Variants in DNAH17 observed in about 807,000 individuals in gnomAD.
DNAH17 encodes the protein axonemal beta dynein heavy chain 17.
In DNAH17, 376 loss-of-function variants were observed where a neutral mutation model predicts 485.6. The observed-to-expected ratio is 0.77, with a 90% CI of 0.71 to 0.84. The LOEUF (loss-of-function observed/expected upper bound fraction) is 0.84, where lower values mean the gene tolerates loss of function less well. DNAH17 is among the 40% of genes least tolerant of loss of function. The pLI, the probability that DNAH17 is intolerant of heterozygous loss-of-function variation, is 0.00. For missense variants in DNAH17, 6,370 were observed against 5,839.3 expected (o/e 1.09, Z -2.96); for synonymous variants, 3,031 against 2,405.9 (o/e 1.26, Z -7.60).
At chr17:78,425,224 T>C in intron 80 of DNAH17, 122 bp downstream of exon 80, 1 of 973,466 alleles carries the variant, frequency 1.0e-6, no homozygotes, top group South Asian at 1.6e-5. Flanking sequence ...TGAGAGCACC[T>C]CTCTCCTGCC....
At chr17:78,488,256 G>C (rs953941081) in intron 44 of DNAH17, among the ~76,000 whole-genome samples, 1 of 152,184 alleles carries the variant, frequency 6.6e-6, no homozygotes, top group Non-Finnish European at 1.5e-5. Flanking sequence ...ACGGCTTCTT[G>C]CCCTGTCCCC....
Position 78,543,285 on chromosome 17 carries a change from TTG to T in DNAH17, c.2532+570_2532+571del, listed in dbSNP as rs1482242565. Among the ~76,000 whole-genome samples, 7 of 58,950 alleles carry T rather than the reference TTG, an allele frequency of 1.2e-4. 1 individual carries two copies. The highest frequency in any genetic ancestry group is 3.8e-4 in the African/African-American group (6 of 15,752). 38.7% of individuals were successfully genotyped at this position (58,950 alleles called of 152,430 possible). On this transcript the variant is annotated intron_variant, in intron 17 of 80. Transcript: ENST00000389840. ...ATGTGCCAACGTGCCCGGTTAATTT[TTG>T]TTTTTTTTTTTTTTGAGACGGAGTC...
rs1008831981 is a variant in DNAH17 at position 78,494,834 on chromosome 17, G to C, written c.6043-14C>G. On this transcript the variant is annotated splice_polypyrimidine_tract_variant and intron_variant, in intron 39 of 80. Coordinates refer to ENST00000389840, the MANE Select transcript of DNAH17 (RefSeq NM_173628.4). Reference sequence around the variant, plus strand: ...GTCGTAATGATCCTGCGGGCAGTGGGCACAGGTGGGCAGACGTGAGCTCAC... The same window carrying C: ...GTCGTAATGATCCTGCGGGCAGTGGCCACAGGTGGGCAGACGTGAGCTCAC... The C allele has an allele frequency of 6.3e-7, 1 of 1,587,676 alleles. No homozygotes were observed. The highest frequency in any genetic ancestry group is 1.1e-5 in the South Asian group (1 of 87,676).
chr17:78,569,552 C>A (rs766352844), intron 7 of DNAH17, 25 bp from the exon 8 acceptor site: 6 of 1,590,866 alleles, frequency 3.8e-6, no homozygotes, highest in Non-Finnish European at 5.1e-6. Context: ...AGACAGACAT[C>A]TAAAGCTCCG....
intron 30 of DNAH17, among the ~76,000 whole-genome samples, chr17:78,506,005 T>A (rs1322356329): frequency 6.6e-6 from 1 of 152,000 alleles, no homozygotes; most frequent in East Asian, 1.9e-4. Flanking sequence ...ATAAATAAGA[T>A]TTCTTCTTTT....
intron 25 of DNAH17, among the ~76,000 whole-genome samples, chr17:78,517,490 T>G (rs532423348): frequency 6.6e-6 from 1 of 152,362 alleles, no homozygotes; most frequent in African/African-American, 2.4e-5. Flanking sequence ...AGAGGCCCTG[T>G]GCTTGGAGTC....
At chr17:78,522,917 C>G in intron 25 of DNAH17, 1 of 158,202 alleles carries the variant, frequency 6.3e-6, no homozygotes, top group Non-Finnish European at 1.4e-5. Context: ...GCAGTGGCTC[C>G]ATCATAGCTC....
chr17:78,564,418 C>T (rs1025934771), intron 11 of DNAH17, among the ~76,000 whole-genome samples: 9 of 152,136 alleles, frequency 5.9e-5, no homozygotes, highest in Admixed American at 3.3e-4. Flanking sequence ...CAGCACCTCC[C>T]CGTGGAGCCA....
intron 42 of DNAH17, 26 bp downstream of exon 42, chr17:78,492,607 G>A: frequency 6.2e-7 from 1 of 1,612,118 alleles, no homozygotes. Context: ...TGCCCCTGCA[G>A]CCTGTCCCGG....
In DNAH17 at chr17:78,444,661, A is replaced by C; in HGVS notation, c.11471T>G (p.Leu3824Arg). 2 of 1,607,940 alleles carry C rather than the reference A, an allele frequency of 1.2e-6. No individual in the cohort carries two copies. The highest frequency in any genetic ancestry group is 1.7e-6 in the Non-Finnish European group (2 of 1,177,944). ...GCAGCGCACCATGCACAGCTTCTGC[A>C]GGGCCGTCTTGTTCTTCCACTCCTT... ...FPKEWKNKTA[L>R]QKLCMVRCLR... The change falls in exon 71 of 81, where the codon CTG (leucine) becomes CGG (arginine). Residue 3824 changes from leucine to arginine, a missense_variant. By Grantham distance (102) the Leu-to-Arg change is moderately radical. Coordinates refer to ENST00000389840, the MANE Select transcript of DNAH17 (RefSeq NM_173628.4).
chr17:78,452,172 G>C (rs1598471963), intron 65 of DNAH17, among the ~76,000 whole-genome samples: 2 of 151,382 alleles, frequency 1.3e-5, no homozygotes, highest in African/African-American at 2.4e-5. Context: ...GCCCCTCCCA[G>C]AGTCTAGGAC....
At position 78,486,268 on chromosome 17, in the gene DNAH17, A is replaced by T. The variant is rs1174029158; in HGVS notation, c.7057T>A (p.Phe2353Ile). The change falls in exon 45 of 81, where the codon TTC (phenylalanine) becomes ATC (isoleucine). Residue 2353 changes from phenylalanine (F) to isoleucine (I), a missense_variant. Physicochemically the swap from Phe to Ile is conservative, Grantham distance 21. Coordinates refer to ENST00000389840, the MANE Select transcript of DNAH17 (RefSeq NM_173628.4). ...PRELYELYFV[F>I]TCFWAFGGAM... is the part of the protein sequence containing the mutation. ...CCACCGAAGGCCCAGAAGCAGGTGAACACGAAGTACAGCTCGTACAGCTCC... is the reference window on the plus strand; with the variant it reads ...CCACCGAAGGCCCAGAAGCAGGTGATCACGAAGTACAGCTCGTACAGCTCC... 1 of 1,602,684 alleles carries T rather than the reference A, an allele frequency of 6.2e-7. No homozygotes were observed. Among genetic ancestry groups the T allele is most frequent in the Non-Finnish European group, 8.5e-7 (1 of 1,171,834 alleles).
intron 16 of DNAH17, among the ~76,000 whole-genome samples, chr17:78,550,484 G>A (rs1018161051): frequency 1.3e-4 from 3 of 23,054 alleles, no homozygotes; most frequent in African/African-American, 2.3e-4. Context: ...AAGTTAATAT[G>A]AGGTCATTAG....
At position 78,494,509 on chromosome 17, in the gene DNAH17, G is replaced by A. The variant is rs181945484; in HGVS notation, c.6270+84C>T. 125 of 1,428,730 alleles carry A rather than the reference G, an allele frequency of 8.7e-5. No individual in the cohort carries two copies. In the Middle Eastern group the frequency reaches 9.0e-4, roughly 10 times the overall value. The allele number at this position is 1,428,730 out of a possible 1,614,324, so 88.5% of individuals were successfully genotyped here. ...CGGGAAACGTGCGTGTGTGACACGG[G>A]TCTCCACCCGTCCAACATCAGTGGG... On this transcript the variant is annotated intron_variant, in intron 40 of 80. Transcript: ENST00000389840.
At chr17:78,519,719 C>A (rs1417569604) in intron 25 of DNAH17, among the ~76,000 whole-genome samples, 1 of 152,178 alleles carries the variant, frequency 6.6e-6, no homozygotes, top group African/African-American at 2.4e-5. Flanking sequence ...AAACCACAAG[C>A]TACCAAAATT....
chr17:78,450,629 G>A (rs917745567), intron 67 of DNAH17, 53 bp downstream of exon 67: 11 of 1,578,248 alleles, frequency 7.0e-6, no homozygotes, highest in Admixed American at 1.8e-5. Flanking sequence ...ATCGCCCGTG[G>A]CCCAGCCTCC....
intron 16 of DNAH17, among the ~76,000 whole-genome samples, chr17:78,550,718 A>G (rs2143554556): frequency 6.6e-6 from 1 of 152,328 alleles, no homozygotes; most frequent in East Asian, 1.9e-4. Flanking sequence ...AGACTGTGGC[A>G]GTTTGTGATG....
chr17:78,453,512 T>G, intron 64 of DNAH17, 47 bp from the exon 65 acceptor site: 1 of 1,610,558 alleles, frequency 6.2e-7, no homozygotes. Flanking sequence ...GGCCTCGTGA[T>G]GGAACGGTGC....
chr17:78,500,614 T>C, intron 35 of DNAH17, 153 bp from the exon 36 acceptor site: 2 of 668,082 alleles, frequency 3.0e-6, no homozygotes, highest in East Asian at 3.5e-5. Context: ...GTTCAAATGA[T>C]TCTCATGCCT....
Sources: allele counts gnomAD v4.1 joint callset (sites outside exome capture counted in the v4.1 genomes callset), GRCh38; gene constraint gnomAD v4.1.1; transcripts MANE v1.5; gene names NCBI Gene and HGNC (gene_info 2026-07-23, HGNC 2026-07-21).